The following F5 variants were observed in gnomAD, a reference collection of about 807,000 sequenced individuals.
F5 encodes activated protein c cofactor.
F5 carries 138 observed loss-of-function variants against 216.4 expected under a neutral mutation model. The ratio of observed to expected loss-of-function variants is 0.64; its 90% CI spans 0.56 to 0.73. The LOEUF (loss-of-function observed/expected upper bound fraction) is 0.73. F5 is among the 30% of genes least tolerant of loss of function. F5 has a pLI of 0.00. For synonymous variants in F5, 916 were observed against 930.7 expected, an observed-to-expected ratio of 0.98 and a Z score of 0.29; for missense variants, 2,403 against 2,674.0, an observed-to-expected ratio of 0.90 and a Z score of 2.24.
At chr1:169,515,148 C>T (rs1430734151) in intron 24 of F5, among the ~76,000 whole-genome samples, 2 of 152,008 alleles carry the variant, frequency 1.3e-5, no homozygotes, top group African/African-American at 4.8e-5. Context: ...ATAACTTTCC[C>T]CCTTCCATCA....
At chr1:169,532,628 A>G (rs1251582369) in intron 14 of F5, among the ~76,000 whole-genome samples, 2 of 126,342 alleles carry the variant, frequency 1.6e-5, no homozygotes, top group African/African-American at 2.8e-5. Context: ...CATTAAACAT[A>G]GCCACACACA....
chr1:169,551,747 G>A (rs1660172493), intron 8 of F5, among the ~76,000 whole-genome samples: 1 of 152,082 alleles, frequency 6.6e-6, no homozygotes, highest in Non-Finnish European at 1.5e-5. Flanking sequence ...TCCTTTGTCT[G>A]TAGATTAACT....
chr1:169,557,067 C>G (rs1198613715), intron 5 of F5, among the ~76,000 whole-genome samples, 200 bp from the exon 6 acceptor site: 1 of 152,148 alleles, frequency 6.6e-6, no homozygotes, highest in South Asian at 2.1e-4. Flanking sequence ...AGTGACAACT[C>G]ATTGTGATAA....
At chr1:169,580,098 A>T (rs1237936302) in intron 2 of F5, among the ~76,000 whole-genome samples, 1 of 151,328 alleles carries the variant, frequency 6.6e-6, no homozygotes, top group Non-Finnish European at 1.5e-5. Flanking sequence ...CTATCACCCA[A>T]CCCCTTGCCT....
Position 169,520,529 on chromosome 1 carries a change from C to T in F5, c.6184G>A (p.Glu2062Lys). 6.2e-7 allele frequency: 1 copy of T among 1,613,988 alleles called. No homozygotes were observed. The highest frequency in any genetic ancestry group is 1.7e-4 in the Middle Eastern group (1 of 6,058). ...CATCTTTGTACCTTACCATTTACCT[C>T]ACAACCTTGCAGTTCCAATCGAAGG... is the stretch of plus-strand genomic sequence containing the variant. ...PTLRLELQGC[E>K]VNGCSTPLGM... is the part of the protein sequence containing the mutation. Residue 2062 changes from glutamate to lysine, a missense_variant, in exon 22 of 25, where the codon GAG (glutamate) becomes AAG (lysine). This residue lies in a region of F5 where 659 missense variants were observed against 787.9 expected (regional missense o/e 0.84). Coordinates refer to ENST00000367797, the MANE Select transcript of F5 (RefSeq NM_000130.5).
chr1:169,527,570 G>A (rs1659488699), intron 17 of F5, among the ~76,000 whole-genome samples: 1 of 152,128 alleles, frequency 6.6e-6, no homozygotes, highest in African/African-American at 2.4e-5. Flanking sequence ...AACCCTCCCA[G>A]CAGAGATAGC....
intron 5 of F5, among the ~76,000 whole-genome samples, chr1:169,557,456 G>A (rs780091761): frequency 6.6e-6 from 1 of 152,112 alleles, no homozygotes; most frequent in Non-Finnish European, 1.5e-5. Flanking sequence ...TTGTTTTAAT[G>A]ACAAGTCAAC....
intron 8 of F5, among the ~76,000 whole-genome samples, chr1:169,551,807 A>G (rs1057181203): frequency 6.6e-6 from 1 of 152,178 alleles, no homozygotes; most frequent in Admixed American, 6.5e-5. Flanking sequence ...TCTGCTGTCC[A>G]ATTCTTATCT....
At position 169,542,524 on chromosome 1, in the gene F5, C is replaced by T. The variant is rs1185794060; in HGVS notation, c.2566G>A (p.Glu856Lys). ...GIRLLSLGAG[E>K]FKSQEHAKHK... ...TTAGCATGTTCTTGACTTTTGAATT[C>T]TCCAGCACCAAGTGAAAGTAGACGT... The change falls in exon 13 of 25, where the codon GAA (glutamate) becomes AAA (lysine). Residue 856 changes from glutamate to lysine, a missense_variant. Coordinates refer to ENST00000367797, the MANE Select transcript of F5 (RefSeq NM_000130.5). 3.1e-6 allele frequency: 5 copies of T among 1,614,108 alleles called. No homozygotes were observed. Among genetic ancestry groups the T allele is most frequent in the East Asian group, 2.2e-5 (1 of 44,874 alleles).
chr1:169,534,949 C>T (rs937846713), intron 14 of F5, among the ~76,000 whole-genome samples: 1 of 152,132 alleles, frequency 6.6e-6, no homozygotes, highest in African/African-American at 2.4e-5. Context: ...CCAAATACCA[C>T]ATGTTCTCAC....
At chr1:169,559,909 A>G (rs985449264) in intron 4 of F5, among the ~76,000 whole-genome samples, 4 of 152,094 alleles carry the variant, frequency 2.6e-5, no homozygotes, top group Admixed American at 1.3e-4. Flanking sequence ...GCGTGTATGT[A>G]TAGGCAGATG....
Position 169,544,357 on chromosome 1 carries a change from C to G in F5, c.1914G>C (p.Glu638Asp). The change falls in exon 12 of 25, where the codon GAG (glutamate) becomes GAC (aspartate). Residue 638 changes from glutamate (E) to aspartate (D), a missense_variant. Transcript: ENST00000367797. The part of the protein sequence containing the change: ...GHSFIYGKRH[E>D]DTLTLFPMRG... ...GCATGGGGAAGAGGGTCAAGGTGTC[C>G]TCATGCCTCTTTCCATAGATGAATG... The G allele has an allele frequency of 6.2e-7, 1 of 1,614,124 alleles. No homozygotes were observed. The highest frequency in any genetic ancestry group is 8.5e-7 in the Non-Finnish European group (1 of 1,180,000).
intron 13 of F5, 70 bp from the exon 14 acceptor site, chr1:169,536,750 C>T (rs1659714710): frequency 7.9e-7 from 1 of 1,271,378 alleles, no homozygotes; most frequent in African/African-American, 1.5e-5. Context: ...GAAATTGTCT[C>T]TTTCTAAATA....
intron 7 of F5, among the ~76,000 whole-genome samples, chr1:169,554,898 G>A (rs1409807274): frequency 6.6e-6 from 1 of 152,206 alleles, no homozygotes; most frequent in East Asian, 1.9e-4. Context: ...GCAGTATCTA[G>A]TTTGTAGAGT....
chr1:169,553,431 G>A (rs1660222540), intron 7 of F5, among the ~76,000 whole-genome samples: 1 of 152,212 alleles, frequency 6.6e-6, no homozygotes, highest in Non-Finnish European at 1.5e-5. Context: ...CAATGAGGCC[G>A]GGCGCGGTGG....
rs141800405 is a variant in F5, at chr1:169,560,574, G to A, written c.566C>T (p.Pro189Leu). 84 of 1,613,608 alleles carry A rather than the reference G, an allele frequency of 5.2e-5. No individual in the cohort carries two copies. The African/African-American group carries it at 9.5e-4, about 18-fold the overall frequency. Residue 189 changes from proline (P) to leucine (L), a missense_variant, in exon 4 of 25, where the codon CCC becomes CTC. Pro to Leu is a moderately conservative substitution (Grantham distance 98, BLOSUM62 -3). Around this residue, in one of 4 missense-constraint regions of F5, gnomAD observed 1,425 missense variants for 1,554.8 expected, o/e 0.92. Coordinates refer to ENST00000367797, the MANE Select transcript of F5 (RefSeq NM_000130.5). ...IEDFNSGLIG[P>L]LLICKKGTLT... ...CTTACCTTTTTTACAGATAAGCAGG[G>A]GCCCAATCAGCCCCGAGTTGAAATC... is the stretch of plus-strand genomic sequence containing the variant.
chr1:169,555,314 C>A lies in F5; in HGVS notation c.986G>T (p.Cys329Phe), dbSNP rs574459300. ...GMQAYIDIKNCPKKTRNLKKI... is the reference protein window; with the variant it reads ...GMQAYIDIKNFPKKTRNLKKI... ...CTTAAGATTCCTGGTTTTCTTTGGG[C>A]AGTTTTTAATGTCAATGTAAGCCTG... The change falls in exon 7 of 25, where the codon TGC becomes TTC. Residue 329 changes from cysteine (C) to phenylalanine (F), a missense_variant. By Grantham distance (205) the Cys-to-Phe change is radical. This residue lies in a region of F5 where 1,425 missense variants were observed against 1,554.8 expected (regional missense o/e 0.92). Coordinates refer to ENST00000367797, the MANE Select transcript of F5 (RefSeq NM_000130.5). The A allele has an allele frequency of 1.9e-5, 31 of 1,614,028 alleles. No homozygotes were observed. The South Asian group carries it at 3.0e-4, about 15-fold the overall frequency.
intron 3 of F5, among the ~76,000 whole-genome samples, chr1:169,566,004 G>T (rs1660590548): frequency 6.6e-6 from 1 of 152,218 alleles, no homozygotes; most frequent in South Asian, 2.1e-4. Flanking sequence ...TATGGAGAAA[G>T]TCTCCACTAA....
chr1:169,529,918 C>G (rs1253657781), intron 15 of F5, 100 bp from the exon 16 acceptor site: 1 of 940,532 alleles, frequency 1.1e-6, no homozygotes, highest in Non-Finnish European at 1.7e-6. Flanking sequence ...CTGATAGGCT[C>G]TGAATTTGAA....
Sources: gnomAD v4.1 joint callset for allele counts (sites outside exome capture counted in the v4.1 genomes callset) on GRCh38, gnomAD v4.1.1 for gene constraint, gnomAD v4.1.1 regional missense constraint, MANE v1.5 for transcripts, NCBI Gene and HGNC (gene_info 2026-07-23, HGNC 2026-07-21) for gene names.